Variants in DMXL1 observed in about 807,000 individuals in gnomAD.
DMXL1 encodes the protein dmX-like protein 1.
A neutral mutation model predicts 319.2 loss-of-function variants in DMXL1; 99 were observed. That is an observed-to-expected ratio of 0.31 (90% confidence interval 0.26 to 0.37). DMXL1 has a LOEUF of 0.37. DMXL1 is among the 10% of genes least tolerant of loss of function. The probability of loss-of-function intolerance (pLI) is 1.00; values close to 1 mark genes in which losing one functional copy is unlikely to be tolerated. For synonymous variants in DMXL1, 1,385 were observed against 1,235.2 expected (o/e 1.12, Z -2.54); for missense variants, 3,745 against 3,595.6 (o/e 1.04, Z -1.06).
At chr5:119,165,081 T>G (rs543340133) in intron 20 of DMXL1, 102 bp from the exon 21 acceptor site, 7 of 690,394 alleles carry the variant, frequency 1.0e-5, no homozygotes, top group Non-Finnish European at 1.5e-5. Context: ...TTTTTAAAAT[T>G]TTATTAAACA....
chr5:119,228,549 T>A (rs933922355), intron 38 of DMXL1, among the ~76,000 whole-genome samples: 1 of 152,190 alleles, frequency 6.6e-6, no homozygotes, highest in Non-Finnish European at 1.5e-5. Context: ...ACAAATATAA[T>A]ATAAGAAGGT....
At position 119,114,671 on chromosome 5, in the gene DMXL1, T is replaced by C. The variant is rs1043361794; in HGVS notation, c.564+130T>C. On this transcript the variant is annotated intron_variant, in intron 6 of 43. Transcript: ENST00000539542. ...ATAGTTTCCATTAAAAATTGTTTTTTTTGTTTGTTTGTTTTGTGATGGAGA... is the reference window on the plus strand; with the variant it reads ...ATAGTTTCCATTAAAAATTGTTTTTCTTGTTTGTTTGTTTTGTGATGGAGA... 5.8e-6 allele frequency: 4 copies of C among 688,018 alleles called. No homozygotes were observed. The African/African-American group carries it at 7.5e-5, about 13-fold the overall frequency. 42.6% of individuals were successfully genotyped at this position (688,018 alleles called of 1,614,324 possible). A position where few individuals can be genotyped will look rare whatever the true frequency, so the allele number is the denominator to read the frequency against.
chr5:119,246,929 G>A, intron 43 of DMXL1, 66 bp from the exon 44 acceptor site: 1 of 1,228,742 alleles, frequency 8.1e-7, no homozygotes, highest in South Asian at 1.4e-5. Flanking sequence ...CACCGCACCT[G>A]GCCTCATTTG....
chr5:119,190,599 A>C (rs1346106520), intron 29 of DMXL1, among the ~76,000 whole-genome samples: 2 of 152,206 alleles, frequency 1.3e-5, no homozygotes, highest in Non-Finnish European at 2.9e-5. Context: ...AACTAAGATG[A>C]AAGTGCATCC....
At chr5:119,194,070 TA>T (rs1364290905) in intron 30 of DMXL1, 100 bp downstream of exon 30, 1 of 740,934 alleles carries the variant, frequency 1.3e-6, no homozygotes, top group African/African-American at 1.8e-5. Flanking sequence ...TTGTTGACTT[TA>T]TAACACATTA....
rs922993849 is a variant in DMXL1 at position 119,097,604 on chromosome 5, C to G, written c.88-375C>G. Among the ~76,000 whole-genome samples the G allele has an allele frequency of 2.1e-4, 32 of 152,270 alleles. No individual in the cohort carries two copies. In the Middle Eastern group the frequency reaches 0.01, roughly 49 times the overall value. On this transcript the variant is annotated intron_variant, in intron 1 of 43. Coordinates refer to ENST00000539542, the MANE Select transcript of DMXL1 (RefSeq NM_001290321.3). Reference sequence around the variant, plus strand: ...TGGTGGTGGGCACCTGTAGTCTCAGCTACTCAGGAAATTGAGGCAGGAGAA... The same window carrying G: ...TGGTGGTGGGCACCTGTAGTCTCAGGTACTCAGGAAATTGAGGCAGGAGAA...
In DMXL1 at chr5:119,247,385, G is replaced by C; in HGVS notation, c.*166G>C. 1 of 547,586 alleles carries C rather than the reference G, an allele frequency of 1.8e-6. No individual in the cohort carries two copies. Among genetic ancestry groups the C allele is most frequent in the Non-Finnish European group, 3.2e-6 (1 of 309,864 alleles). The allele number at this position is 547,586 out of a possible 1,614,324, so 33.9% of individuals were successfully genotyped here. A position where few individuals can be genotyped will look rare whatever the true frequency, so the allele number is the denominator to read the frequency against. On this transcript the variant is annotated 3_prime_UTR_variant, in exon 44 of 44. Coordinates refer to ENST00000539542, the MANE Select transcript of DMXL1 (RefSeq NM_001290321.3). ...GCACTGATGCCTTAAAAATTAACAA[G>C]GTCATTCAGAAGTAGATTACATTGC... is the stretch of plus-strand genomic sequence containing the variant.
rs1187533613 is a variant in DMXL1, at chr5:119,238,864, G to GA, written c.8560-118dup. 22 of 1,452,724 alleles carry GA rather than the reference G, an allele frequency of 1.5e-5. No homozygotes were observed. In the Admixed American group the frequency reaches 2.6e-4, roughly 17 times the overall value. The allele number at this position is 1,452,724 out of a possible 1,614,324, so 90.0% of individuals were successfully genotyped here. Reference sequence around the variant, plus strand: ...TTTACAATTTTTCTAAAGTTCAAAGGAAAAAAACGATACAGAGGATTTAAG... The same window carrying GA: ...TTTACAATTTTTCTAAAGTTCAAAGGAAAAAAAACGATACAGAGGATTTAAG... On this transcript the variant is annotated intron_variant, in intron 40 of 43. Transcript: ENST00000539542.
At chr5:119,157,756 G>A (rs1354038935) in intron 19 of DMXL1, among the ~76,000 whole-genome samples, 2 of 152,072 alleles carry the variant, frequency 1.3e-5, no homozygotes, top group South Asian at 2.1e-4. Context: ...GTAGTGTGAT[G>A]TCTCTAGGTT....
chr5:119,232,467 T>C (rs1245995921), intron 38 of DMXL1, among the ~76,000 whole-genome samples: 1 of 152,178 alleles, frequency 6.6e-6, no homozygotes, highest in Admixed American at 6.6e-5. Flanking sequence ...ATAATGATAC[T>C]CTATAAATTG....
rs1372062914 is a variant in DMXL1 at position 119,170,193 on chromosome 5, A to G, written c.5402A>G (p.Gln1801Arg). The G allele has an allele frequency of 6.3e-7, 1 of 1,588,820 alleles. No homozygotes were observed. Among genetic ancestry groups the G allele is most frequent in the Non-Finnish European group, 8.5e-7 (1 of 1,171,140 alleles). The change falls in exon 24 of 44, where the codon CAA becomes CGA. Residue 1801 changes from glutamine to arginine, a missense_variant. Coordinates refer to ENST00000539542, the MANE Select transcript of DMXL1 (RefSeq NM_001290321.3). ...IKQPIRENDD[Q>R]VLSASNPTVF... ...CATAAAATGAATTTACTTTCAGATC[A>G]AGTTTTATCAGCCAGTAATCCTACA...
At chr5:119,237,559 T>G in intron 40 of DMXL1, 145 bp downstream of exon 40, 1 of 547,316 alleles carries the variant, frequency 1.8e-6, no homozygotes, top group South Asian at 2.8e-5. Flanking sequence ...GATTCTGTCC[T>G]TGTGTTATGT....
intron 32 of DMXL1, among the ~76,000 whole-genome samples, chr5:119,201,307 T>C (rs1348079388): frequency 6.6e-6 from 1 of 152,204 alleles, no homozygotes; most frequent in Non-Finnish European, 1.5e-5. Context: ...AAGCCTTTTC[T>C]TCATCTATTG....
rs754172177 is a variant in DMXL1, at chr5:119,244,484, C to A, written c.8830C>A (p.Leu2944Ile). ...CCTTTGTCAACGACAACAGAGGCAG[C>A]TTTTCCAGAGCCATGATTCTCCTGT... ...FDLCQRQQRQ[L>I]FQSHDSPVKA... The change falls in exon 43 of 44, where the codon CTT becomes ATT. Residue 2944 changes from leucine to isoleucine, a missense_variant. Around this residue, in one of 4 missense-constraint regions of DMXL1, gnomAD observed 262 missense variants for 320.5 expected, o/e 0.82. Transcript: ENST00000539542. 6.2e-7 allele frequency: 1 copy of A among 1,614,148 alleles called. No individual in the cohort carries two copies. Among genetic ancestry groups the A allele is most frequent in the South Asian group, 1.1e-5 (1 of 91,090 alleles).
chr5:119,177,557 G>T, intron 27 of DMXL1, 73 bp downstream of exon 27: 69 of 1,240,374 alleles, frequency 5.6e-5, no homozygotes, highest in Non-Finnish European at 7.4e-5. Context: ...AAGACTTTTA[G>T]TTTTGCCACA....
intron 21 of DMXL1, among the ~76,000 whole-genome samples, chr5:119,166,075 C>G (rs1453716914): frequency 6.6e-6 from 1 of 152,210 alleles, no homozygotes; most frequent in African/African-American, 2.4e-5. Context: ...GAATTTTTCT[C>G]TCTCACTTCT....
intron 28 of DMXL1, among the ~76,000 whole-genome samples, chr5:119,183,330 C>T (rs1314316692): frequency 2.6e-5 from 4 of 152,134 alleles, no homozygotes; most frequent in African/African-American, 9.7e-5. Flanking sequence ...CCAGAAAAGA[C>T]TTGAGCATAT....
chr5:119,194,537 A>G (rs1779269922), intron 30 of DMXL1, among the ~76,000 whole-genome samples: 1 of 152,226 alleles, frequency 6.6e-6, no homozygotes, highest in South Asian at 2.1e-4. Flanking sequence ...ATGTTTTACT[A>G]AAACATGGTA....
chr5:119,185,190 C>T (rs961099661), intron 28 of DMXL1, among the ~76,000 whole-genome samples: 3 of 151,966 alleles, frequency 2.0e-5, no homozygotes, highest in African/African-American at 7.3e-5. Context: ...TCCCCTGTCA[C>T]TTTCTGCTCC....
Sources: gnomAD v4.1 joint callset for allele counts (sites outside exome capture counted in the v4.1 genomes callset) on GRCh38, gnomAD v4.1.1 for gene constraint, gnomAD v4.1.1 regional missense constraint, MANE v1.5 for transcripts, NCBI Gene and HGNC (gene_info 2026-07-23, HGNC 2026-07-21) for gene names.